Variants in EPHA3 observed in about 807,000 individuals in gnomAD.
EPHA3 encodes the protein ephrin type-A receptor 3.
In EPHA3, 42 loss-of-function variants were observed where a neutral mutation model predicts 107.1. The ratio of observed to expected loss-of-function variants is 0.39; its 90% CI spans 0.31 to 0.51. The LOEUF is 0.51. Ranked by LOEUF, EPHA3 falls within the 20% of genes least tolerant of loss-of-function variation. The probability of loss-of-function intolerance (pLI) is 0.78; values close to 1 mark genes in which losing one functional copy is unlikely to be tolerated. For missense variants in EPHA3, 1,183 were observed against 1,211.2 expected (o/e 0.98, Z 0.35); for synonymous variants, 461 against 424.8 (o/e 1.09, Z -1.05).
At chr3:89,235,392 A>G (rs1185187405) in intron 3 of EPHA3, among the ~76,000 whole-genome samples, 1 of 152,154 alleles carries the variant, frequency 6.6e-6, no homozygotes, top group Non-Finnish European at 1.5e-5. Context: ...GATCAGATAT[A>G]TTTTACATAA....
intron 2 of EPHA3, among the ~76,000 whole-genome samples, chr3:89,203,976 A>G (rs1233844221): frequency 6.6e-6 from 1 of 151,960 alleles, no homozygotes; most frequent in Non-Finnish European, 1.5e-5. Context: ...GGGACAACAT[A>G]CTCAAACTTT....
chr3:89,410,312 C>A (rs1709135397), intron 9 of EPHA3, among the ~76,000 whole-genome samples: 1 of 151,474 alleles, frequency 6.6e-6, no homozygotes, highest in African/African-American at 2.4e-5. Flanking sequence ...TATAGGTATC[C>A]ATCATACATA....
At chr3:89,145,520 T>C (rs1298421283) in intron 2 of EPHA3, among the ~76,000 whole-genome samples, 1 of 151,796 alleles carries the variant, frequency 6.6e-6, no homozygotes, top group Non-Finnish European at 1.5e-5. Context: ...AAAGATCTTA[T>C]CTTGCAATCT....
rs140733548 is a variant in EPHA3 at position 89,378,278 on chromosome 3, G to A, written c.1307-17559G>A. ...AAGTATAATAAAAAATTTTTTAAGT[G>A]TATTGGGATATATTCACATCTCATG... On this transcript the variant is annotated intron_variant, in intron 5 of 16. Coordinates refer to ENST00000336596, the MANE Select transcript of EPHA3 (RefSeq NM_005233.6). Among the ~76,000 whole-genome samples the A allele has an allele frequency of 4.3e-4, 66 of 152,146 alleles. No individual in the cohort carries two copies. The East Asian group carries it at 7.9e-3, about 18-fold the overall frequency.
intron 3 of EPHA3, among the ~76,000 whole-genome samples, chr3:89,218,570 T>G (rs1354333476): frequency 6.6e-6 from 1 of 152,086 alleles, no homozygotes; most frequent in African/African-American, 2.4e-5. Context: ...AAGTCTTTGC[T>G]ATTGTGAATA....
At chr3:89,166,645 C>T (rs1705076438) in intron 2 of EPHA3, among the ~76,000 whole-genome samples, 3 of 152,152 alleles carry the variant, frequency 2.0e-5, no homozygotes, top group African/African-American at 7.2e-5. Flanking sequence ...CCTGCTTCCT[C>T]TGATTTGCTC....
At chr3:89,381,663 T>C (rs1486756658) in intron 5 of EPHA3, among the ~76,000 whole-genome samples, 2 of 151,624 alleles carry the variant, frequency 1.3e-5, no homozygotes, top group Admixed American at 6.6e-5. Flanking sequence ...AGTGAGACTT[T>C]GTCTCAAAAA....
At chr3:89,177,075 C>T (rs554699494) in intron 2 of EPHA3, among the ~76,000 whole-genome samples, 6 of 150,158 alleles carry the variant, frequency 4.0e-5, no homozygotes, top group South Asian at 2.1e-4. Context: ...GTTCACTCTG[C>T]GTGTGTGTGT....
chr3:89,339,370 C>CAAAAAAA (rs10575384), intron 3 of EPHA3, among the ~76,000 whole-genome samples: 5 of 106,590 alleles, frequency 4.7e-5, no homozygotes, highest in Non-Finnish European at 7.4e-5. Context: ...GACTCCATCT[C>CAAAAAAA]AAAAAAAAAA....
chr3:89,149,514 T>C (rs1362623153), intron 2 of EPHA3, among the ~76,000 whole-genome samples: 1 of 152,008 alleles, frequency 6.6e-6, no homozygotes, highest in Non-Finnish European at 1.5e-5. Flanking sequence ...CTTTAAGTTT[T>C]AGGGTACATG....
intron 2 of EPHA3, among the ~76,000 whole-genome samples, chr3:89,148,088 A>C (rs1458830906): frequency 1.3e-5 from 2 of 152,002 alleles, no homozygotes; most frequent in African/African-American, 4.8e-5. Context: ...GAAAAAATGC[A>C]TGAACTTGTG....
chr3:89,301,579 T>A (rs2107346536), intron 3 of EPHA3, among the ~76,000 whole-genome samples: 1 of 152,246 alleles, frequency 6.6e-6, no homozygotes, highest in East Asian at 1.9e-4. Context: ...ATGTTTATGA[T>A]GATTTCAGCA....
chr3:89,280,652 G>A (rs1705922380), intron 3 of EPHA3, among the ~76,000 whole-genome samples: 1 of 152,106 alleles, frequency 6.6e-6, no homozygotes, highest in African/African-American at 2.4e-5. Flanking sequence ...CATCTGCACT[G>A]TATTTATGCA....
intron 2 of EPHA3, among the ~76,000 whole-genome samples, chr3:89,177,700 T>C (rs1423612656): frequency 2.0e-5 from 3 of 152,244 alleles, no homozygotes; most frequent in Admixed American, 2.0e-4. Flanking sequence ...TAGTGGTTGC[T>C]AATTAAATGC....
At chr3:89,140,764 C>A (rs1200418351) in intron 2 of EPHA3, among the ~76,000 whole-genome samples, 1 of 151,586 alleles carries the variant, frequency 6.6e-6, no homozygotes, top group African/African-American at 2.4e-5. Flanking sequence ...TAGAACCTAT[C>A]AAATTCTTAA....
chr3:89,223,629 G>T (rs1279668186), intron 3 of EPHA3, among the ~76,000 whole-genome samples: 1 of 152,004 alleles, frequency 6.6e-6, no homozygotes, highest in Non-Finnish European at 1.5e-5. Context: ...TACATGACTT[G>T]GTATCCATCT....
At chr3:89,133,980 G>A (rs1432264433) in intron 2 of EPHA3, among the ~76,000 whole-genome samples, 1 of 151,660 alleles carries the variant, frequency 6.6e-6, no homozygotes. Flanking sequence ...ATCGAGAAAT[G>A]GTTCACTGTT....
chr3:89,243,490 T>A (rs1316950802), intron 3 of EPHA3, among the ~76,000 whole-genome samples: 1 of 152,208 alleles, frequency 6.6e-6, no homozygotes, highest in Non-Finnish European at 1.5e-5. Flanking sequence ...TTGATTTGCA[T>A]TTCTCTGATG....
intron 3 of EPHA3, among the ~76,000 whole-genome samples, chr3:89,223,506 G>T (rs1410198239): frequency 3.3e-5 from 5 of 152,104 alleles, no homozygotes; most frequent in Non-Finnish European, 7.4e-5. Flanking sequence ...TCCAGATGAG[G>T]GTCATGATTG....
Sources: gnomAD v4.1 joint callset for allele counts (sites outside exome capture counted in the v4.1 genomes callset) on GRCh38, gnomAD v4.1.1 for gene constraint, MANE v1.5 for transcripts, NCBI Gene and HGNC (gene_info 2026-07-23, HGNC 2026-07-21) for gene names.